The following VOPP1 variants were observed in gnomAD, a reference collection of about 807,000 sequenced individuals.
VOPP1 encodes WW domain binding protein VOPP1.
In VOPP1, 8 loss-of-function variants were observed where a neutral mutation model predicts 23.5. The observed-to-expected ratio is 0.34, with a 90% CI of 0.20 to 0.61. VOPP1 has a LOEUF of 0.61. Among genes scored for constraint, VOPP1 ranks in the 20% least tolerant of loss-of-function variants. The pLI is 0.78. For missense variants in VOPP1, 174 were observed against 238.1 expected (o/e 0.73, Z 1.77); for synonymous variants, 83 against 97.3 (o/e 0.85, Z 0.86).
At chr7:55,510,794 G>GC in intron 2 of VOPP1, among the ~76,000 whole-genome samples, 1 of 151,754 alleles carries the variant, frequency 6.6e-6, no homozygotes, top group Non-Finnish European at 1.5e-5. Context: ...CTGAACTCCA[G>GC]CCCCATGGTC....
At chr7:55,536,249 C>T (rs1796780339) in intron 1 of VOPP1, among the ~76,000 whole-genome samples, 1 of 152,228 alleles carries the variant, frequency 6.6e-6, no homozygotes, top group Non-Finnish European at 1.5e-5. Context: ...TCAAGCAAGG[C>T]CGGGCGTGGT....
intron 4 of VOPP1, among the ~76,000 whole-genome samples, chr7:55,454,337 C>T (rs1791314620): frequency 1.3e-5 from 2 of 152,130 alleles, no homozygotes. Flanking sequence ...AGTCCAGGAC[C>T]AGAGAGATTC....
chr7:55,529,246 T>A (rs543811930), intron 1 of VOPP1, among the ~76,000 whole-genome samples: 33 of 152,134 alleles, frequency 2.2e-4, no homozygotes, highest in South Asian at 1.7e-3. Context: ...TCGCCTGTAG[T>A]CTCAGCTACT....
At chr7:55,528,660 T>C (rs1796323790) in intron 1 of VOPP1, among the ~76,000 whole-genome samples, 1 of 150,948 alleles carries the variant, frequency 6.6e-6, no homozygotes, top group Admixed American at 6.6e-5. Flanking sequence ...CACTCCGGCC[T>C]GGGCAACAGA....
chr7:55,492,522 A>G, intron 3 of VOPP1, 104 bp from the exon 4 acceptor site: 2 of 1,323,082 alleles, frequency 1.5e-6, no homozygotes, highest in South Asian at 1.7e-5. Flanking sequence ...TCCGGGACCA[A>G]TGACTCCCAA....
chr7:55,510,166 C>T (rs1562940659), intron 2 of VOPP1, among the ~76,000 whole-genome samples: 1 of 152,218 alleles, frequency 6.6e-6, no homozygotes, highest in African/African-American at 2.4e-5. Context: ...TTTTCCAGAG[C>T]TTATATACCT....
chr7:55,464,274 G>A (rs1562887074), intron 4 of VOPP1, among the ~76,000 whole-genome samples: 1 of 152,032 alleles, frequency 6.6e-6, no homozygotes, highest in Non-Finnish European at 1.5e-5. Flanking sequence ...GTGGGCAGGT[G>A]GCCTACCTGA....
chr7:55,476,935 T>A (rs1328852604), intron 4 of VOPP1, among the ~76,000 whole-genome samples: 2 of 152,110 alleles, frequency 1.3e-5, no homozygotes, highest in East Asian at 1.9e-4. Flanking sequence ...CTATTCTCCA[T>A]CTCCAGCAGT....
chr7:55,501,937 T>C (rs915690025), intron 2 of VOPP1, among the ~76,000 whole-genome samples: 3 of 152,218 alleles, frequency 2.0e-5, no homozygotes, highest in African/African-American at 7.2e-5. Context: ...GCTCTAGCTC[T>C]GAGCACAGCC....
At chr7:55,561,713 AAAAG>A in intron 1 of VOPP1, 1 of 430,070 alleles carries the variant, frequency 2.3e-6, no homozygotes, top group African/African-American at 2.1e-5. Context: ...AAAAAAAAAA[AAAAG>A]AAGAAGAATT....
At chr7:55,523,740 G>A (rs558516238) in intron 1 of VOPP1, among the ~76,000 whole-genome samples, 1 of 152,222 alleles carries the variant, frequency 6.6e-6, no homozygotes, top group African/African-American at 2.4e-5. Flanking sequence ...CCCAGTACAT[G>A]GCCCAGACTG....
intron 1 of VOPP1, among the ~76,000 whole-genome samples, chr7:55,550,730 C>T (rs895183510): frequency 1.3e-5 from 2 of 152,076 alleles, no homozygotes; most frequent in Admixed American, 6.6e-5. Flanking sequence ...TGGAAATGCT[C>T]GTGACAGAAG....
chr7:55,521,227 G>A (rs1041394291), intron 1 of VOPP1, 97 bp from the exon 2 acceptor site: 1 of 1,261,782 alleles, frequency 7.9e-7, no homozygotes, highest in South Asian at 1.4e-5. Flanking sequence ...AGAAGACACA[G>A]CTTAACCCAT....
intron 1 of VOPP1, among the ~76,000 whole-genome samples, chr7:55,538,452 T>C (rs1295033213): frequency 6.6e-6 from 1 of 152,100 alleles, no homozygotes; most frequent in Non-Finnish European, 1.5e-5. Flanking sequence ...TCAAATACCC[T>C]CTCAAAATCT....
intron 1 of VOPP1, among the ~76,000 whole-genome samples, chr7:55,550,439 A>G (rs1384852160): frequency 6.6e-6 from 1 of 152,232 alleles, no homozygotes; most frequent in Non-Finnish European, 1.5e-5. Context: ...GGGAATATAA[A>G]TTTGGTTTGA....
intron 2 of VOPP1, among the ~76,000 whole-genome samples, chr7:55,516,337 TAC>T (rs1423193657): frequency 6.6e-6 from 1 of 152,218 alleles, no homozygotes; most frequent in African/African-American, 2.4e-5. Context: ...ATACATGTAA[TAC>T]ACAGTCTTCC....
chr7:55,476,365 G>T (rs1048820130), intron 4 of VOPP1, among the ~76,000 whole-genome samples: 1 of 150,580 alleles, frequency 6.6e-6, no homozygotes, highest in Non-Finnish European at 1.5e-5. Context: ...GGGATGGCCA[G>T]GCAGCCTGTA....
chr7:55,482,649 AGG>A (rs2129013953), intron 4 of VOPP1, among the ~76,000 whole-genome samples: 1 of 152,040 alleles, frequency 6.6e-6, no homozygotes, highest in East Asian at 1.9e-4. Context: ...AAGAGGAGGA[AGG>A]GAGTTAAAAA....
intron 4 of VOPP1, among the ~76,000 whole-genome samples, chr7:55,484,335 G>A (rs905819921): frequency 4.6e-5 from 7 of 152,206 alleles, no homozygotes; most frequent in South Asian, 4.1e-4. Context: ...ATTCATCCTC[G>A]TGAGCCTCCT....
Sources: gnomAD v4.1 joint callset for allele counts (sites outside exome capture counted in the v4.1 genomes callset) on GRCh38, gnomAD v4.1.1 for gene constraint, MANE v1.5 for transcripts, NCBI Gene and HGNC (gene_info 2026-07-23, HGNC 2026-07-21) for gene names.